RNGTT: variants seen among roughly 807,000 people sequenced by gnomAD.
RNGTT encodes RNA guanylyltransferase and 5'-phosphatase.
In RNGTT, 33 loss-of-function variants were observed where a neutral mutation model predicts 79.3. The ratio of observed to expected loss-of-function variants is 0.42; its 90% CI spans 0.32 to 0.56. The LOEUF (loss-of-function observed/expected upper bound fraction) is 0.56, where lower values mean the gene tolerates loss of function less well. RNGTT is among the 20% of genes least tolerant of loss of function. The probability of loss-of-function intolerance (pLI) is 0.17; values close to 1 mark genes in which losing one functional copy is unlikely to be tolerated. For missense variants in RNGTT, 497 were observed against 739.1 expected (o/e 0.67, Z 3.80); for synonymous variants, 222 against 235.9 (o/e 0.94, Z 0.54).
intron 14 of RNGTT, among the ~76,000 whole-genome samples, chr6:88,618,239 C>T (rs997569109): frequency 2.0e-4 from 30 of 152,204 alleles, no homozygotes; most frequent in Non-Finnish European, 3.5e-4. Context: ...AAGAACAATA[C>T]ATCATTCTTC....
chr6:88,785,929 T>C (rs1475293090), intron 12 of RNGTT, among the ~76,000 whole-genome samples: 2 of 152,124 alleles, frequency 1.3e-5, no homozygotes, highest in Non-Finnish European at 2.9e-5. Context: ...AAAATCAAGC[T>C]GAACCACCTT....
chr6:88,945,454 C>G (rs1306788848), intron 1 of RNGTT, among the ~76,000 whole-genome samples: 1 of 152,222 alleles, frequency 6.6e-6, no homozygotes, highest in Non-Finnish European at 1.5e-5. Flanking sequence ...CCTTACATGA[C>G]ACCCAAACTC....
At chr6:88,951,888 A>G (rs990401077) in intron 1 of RNGTT, among the ~76,000 whole-genome samples, 1 of 152,190 alleles carries the variant, frequency 6.6e-6, no homozygotes, top group Non-Finnish European at 1.5e-5. Context: ...AATGAAACTC[A>G]TAATAATTTT....
chr6:88,632,269 T>C (rs1262606746), intron 14 of RNGTT, among the ~76,000 whole-genome samples: 1 of 152,042 alleles, frequency 6.6e-6, no homozygotes, highest in African/African-American at 2.4e-5. Context: ...GCCCCAACTC[T>C]CTTTTTAGAT....
intron 4 of RNGTT, among the ~76,000 whole-genome samples, chr6:88,907,842 T>C (rs1409844451): frequency 6.6e-6 from 1 of 150,606 alleles, no homozygotes; most frequent in East Asian, 2.0e-4. Context: ...GCTCAAGTGA[T>C]CCTCCCACCT....
At chr6:88,896,323 G>A (rs1783245393) in intron 6 of RNGTT, among the ~76,000 whole-genome samples, 1 of 152,142 alleles carries the variant, frequency 6.6e-6, no homozygotes, top group South Asian at 2.1e-4. Context: ...AAGTTGATGG[G>A]AGCACGAATA....
chr6:88,638,164 A>T (rs1773170352), intron 14 of RNGTT, among the ~76,000 whole-genome samples: 2 of 152,178 alleles, frequency 1.3e-5, no homozygotes, highest in Non-Finnish European at 1.5e-5. Flanking sequence ...AGCCAAAACA[A>T]ACTAAAAAAC....
At chr6:88,882,978 T>A (rs960664448) in intron 8 of RNGTT, among the ~76,000 whole-genome samples, 2 of 152,094 alleles carry the variant, frequency 1.3e-5, no homozygotes, top group African/African-American at 4.8e-5. Flanking sequence ...TGAACTAAGA[T>A]ACTAAGTATG....
At chr6:88,683,407 T>C (rs966435015) in intron 13 of RNGTT, among the ~76,000 whole-genome samples, 5 of 151,788 alleles carry the variant, frequency 3.3e-5, no homozygotes, top group Admixed American at 6.6e-5. Context: ...AAGAAAAAAA[T>C]AGAAAATCTT....
At chr6:88,615,184 T>C (rs1042498548) in intron 14 of RNGTT, among the ~76,000 whole-genome samples, 6 of 152,206 alleles carry the variant, frequency 3.9e-5, no homozygotes, top group African/African-American at 1.4e-4. Flanking sequence ...ATGCCAGTCA[T>C]GGTAATATTT....
At chr6:88,789,283 G>A (rs1202564465) in intron 12 of RNGTT, among the ~76,000 whole-genome samples, 1 of 152,116 alleles carries the variant, frequency 6.6e-6, no homozygotes, top group Non-Finnish European at 1.5e-5. Context: ...TAGGCCGGGT[G>A]TGTTAATTAC....
At chr6:88,674,308 G>A (rs1046224523) in intron 14 of RNGTT, among the ~76,000 whole-genome samples, 4 of 152,140 alleles carry the variant, frequency 2.6e-5, no homozygotes, top group African/African-American at 9.7e-5. Flanking sequence ...GGCACTTTCG[G>A]AGGCTGAGAT....
intron 13 of RNGTT, among the ~76,000 whole-genome samples, chr6:88,765,659 G>T (rs1217170376): frequency 6.6e-6 from 1 of 152,164 alleles, no homozygotes; most frequent in Non-Finnish European, 1.5e-5. Flanking sequence ...GGTAGGTTAA[G>T]TTAACAAGAC....
At chr6:88,948,493 G>A (rs1268749583) in intron 1 of RNGTT, among the ~76,000 whole-genome samples, 1 of 136,474 alleles carries the variant, frequency 7.3e-6, no homozygotes, top group Non-Finnish European at 1.6e-5. Flanking sequence ...GAGGTGGGGG[G>A]GTCAGCCCCC....
intron 8 of RNGTT, among the ~76,000 whole-genome samples, chr6:88,880,542 G>A (rs1782664329): frequency 6.6e-6 from 1 of 152,084 alleles, no homozygotes; most frequent in Non-Finnish European, 1.5e-5. Context: ...AGATACATAT[G>A]TAAAAATTGC....
intron 8 of RNGTT, among the ~76,000 whole-genome samples, chr6:88,881,348 A>G (rs1005026137): frequency 6.6e-6 from 1 of 152,152 alleles, no homozygotes; most frequent in African/African-American, 2.4e-5. Flanking sequence ...CACCTTCACC[A>G]ATATTATGGC....
Position 88,627,411 on chromosome 6 carries a change from T to C in RNGTT, c.1507-13016A>G, listed in dbSNP as rs116066031. ...GGACATGCTAACAATTTGGATCCAATAGTGTTCTCTTTTTTTATCATTCTT... is the reference window on the plus strand; with the variant it reads ...GGACATGCTAACAATTTGGATCCAACAGTGTTCTCTTTTTTTATCATTCTT... On this transcript the variant is annotated intron_variant, in intron 14 of 15. Coordinates refer to ENST00000369485, the MANE Select transcript of RNGTT (RefSeq NM_003800.5). Among the ~76,000 whole-genome samples, 66 of 152,176 alleles carry C rather than the reference T, an allele frequency of 4.3e-4. 1 individual carries two copies. The highest frequency in any genetic ancestry group is 1.4e-3 in the African/African-American group (60 of 41,562).
intron 12 of RNGTT, among the ~76,000 whole-genome samples, chr6:88,776,364 G>A (rs563694420): frequency 6.7e-6 from 1 of 148,796 alleles, no homozygotes; most frequent in African/African-American, 2.5e-5. Context: ...TCGTTGCCCA[G>A]GCTGGAGTGC....
At chr6:88,867,430 C>G (rs1166326300) in intron 8 of RNGTT, among the ~76,000 whole-genome samples, 1 of 151,944 alleles carries the variant, frequency 6.6e-6, no homozygotes, top group Non-Finnish European at 1.5e-5. Context: ...TTGCAGTGAG[C>G]CGAGATCATG....
Sources: gnomAD v4.1 joint callset for allele counts (sites outside exome capture counted in the v4.1 genomes callset) on GRCh38, gnomAD v4.1.1 for gene constraint, MANE v1.5 for transcripts, NCBI Gene and HGNC (gene_info 2026-07-23, HGNC 2026-07-21) for gene names.